The following PCDH9 variants were observed in gnomAD, a reference collection of about 807,000 sequenced individuals.
PCDH9 encodes protocadherin 9.
In PCDH9, 24 loss-of-function variants were observed where a neutral mutation model predicts 70.6. That is an observed-to-expected ratio of 0.34 (90% CI 0.25 to 0.48). PCDH9 has a LOEUF of 0.48. Among genes scored for constraint, PCDH9 ranks in the 20% least tolerant of loss-of-function variants. The pLI is 0.99. For missense variants in PCDH9, 1,281 were observed against 1,503.6 expected, an observed-to-expected ratio of 0.85 and a Z score of 2.45; for synonymous variants, 562 against 558.5, an observed-to-expected ratio of 1.01 and a Z score of -0.09.
At chr13:66,622,428 G>A (rs995168962) in intron 4 of PCDH9, among the ~76,000 whole-genome samples, 3 of 152,172 alleles carry the variant, frequency 2.0e-5, no homozygotes, top group African/African-American at 4.8e-5. Context: ...TGGTGGGGAC[G>A]TGGAGAACCT....
intron 4 of PCDH9, among the ~76,000 whole-genome samples, chr13:66,574,930 C>A (rs545881865): frequency 6.6e-6 from 1 of 152,000 alleles, no homozygotes; most frequent in East Asian, 1.9e-4. Flanking sequence ...CCCAGCCCTT[C>A]GGGAGGCTGA....
chr13:67,222,319 A>G (rs1409613835), intron 2 of PCDH9: 3 of 151,540 alleles, frequency 2.0e-5, no homozygotes, highest in Non-Finnish European at 4.4e-5. Flanking sequence ...TAACCTATAA[A>G]GGCTAATCGC....
At chr13:66,875,322 A>T (rs1301458372) in intron 3 of PCDH9, among the ~76,000 whole-genome samples, 1 of 152,228 alleles carries the variant, frequency 6.6e-6, no homozygotes, top group African/African-American at 2.4e-5. Context: ...AATTAATTTC[A>T]TATTAGATAT....
At chr13:66,571,814 T>G (rs1203340251) in intron 4 of PCDH9, among the ~76,000 whole-genome samples, 1 of 152,108 alleles carries the variant, frequency 6.6e-6, no homozygotes, top group Non-Finnish European at 1.5e-5. Flanking sequence ...TTTTCTAGTC[T>G]CAGTCCAACA....
intron 2 of PCDH9, among the ~76,000 whole-genome samples, chr13:67,145,645 T>C (rs2138371012): frequency 6.6e-6 from 1 of 152,152 alleles, no homozygotes; most frequent in African/African-American, 2.4e-5. Flanking sequence ...TTCATATGTA[T>C]GGCTTCAAAT....
intron 4 of PCDH9, among the ~76,000 whole-genome samples, chr13:66,341,639 G>C (rs1956127108): frequency 6.6e-6 from 1 of 152,132 alleles, no homozygotes; most frequent in Non-Finnish European, 1.5e-5. Context: ...TGGTTTTTCT[G>C]CTGTGCAAGT....
At chr13:66,932,659 C>CATATATATATATATATATATATATAT (rs199791250) in intron 2 of PCDH9, among the ~76,000 whole-genome samples, 19 of 130,352 alleles carry the variant, frequency 1.5e-4, no homozygotes, top group South Asian at 7.3e-4. Context: ...TAAATCCTCA[C>CATATATATATATATATATATATATAT]ATATATATAT....
At chr13:66,829,389 T>C (rs903345625) in intron 3 of PCDH9, among the ~76,000 whole-genome samples, 3 of 151,896 alleles carry the variant, frequency 2.0e-5, no homozygotes, top group African/African-American at 4.8e-5. Context: ...AAATATATAG[T>C]TGGAAAAGGC....
chr13:67,005,360 G>A (rs1285171873), intron 2 of PCDH9, among the ~76,000 whole-genome samples: 1 of 151,956 alleles, frequency 6.6e-6, no homozygotes, highest in Non-Finnish European at 1.5e-5. Context: ...TGAAGATTTA[G>A]GTAAGTTTGC....
chr13:66,873,889 C>G (rs1594187726), intron 3 of PCDH9, among the ~76,000 whole-genome samples: 2 of 150,060 alleles, frequency 1.3e-5, no homozygotes, highest in African/African-American at 4.9e-5. Flanking sequence ...TCAATCACAT[C>G]ATTACATTTC....
At chr13:66,692,764 AT>A (rs1192004959) in intron 3 of PCDH9, among the ~76,000 whole-genome samples, 6 of 152,068 alleles carry the variant, frequency 3.9e-5, no homozygotes, top group African/African-American at 1.2e-4. Context: ...TGGTACTATT[AT>A]TTAGAGACGA....
At chr13:66,567,269 G>T (rs573040843) in intron 4 of PCDH9, among the ~76,000 whole-genome samples, 1 of 152,068 alleles carries the variant, frequency 6.6e-6, no homozygotes, top group Non-Finnish European at 1.5e-5. Context: ...GTTCTAATTA[G>T]GGAGGAAAAG....
intron 4 of PCDH9, among the ~76,000 whole-genome samples, chr13:66,461,092 T>C (rs370354357): frequency 4.6e-5 from 7 of 151,900 alleles, no homozygotes; most frequent in African/African-American, 1.7e-4. Flanking sequence ...AAGTATAGCC[T>C]CAAGAGACTG....
intron 3 of PCDH9, among the ~76,000 whole-genome samples, chr13:66,631,704 C>A (rs2077573720): frequency 6.6e-6 from 1 of 152,110 alleles, no homozygotes; most frequent in Non-Finnish European, 1.5e-5. Flanking sequence ...AAAACTTATA[C>A]TGTCGACAAA....
At position 66,903,544 on chromosome 13, in the gene PCDH9, G is replaced by A. The variant is rs760998507; in HGVS notation, c.3098C>T (p.Thr1033Met). 7.6e-6 allele frequency: 12 copies of A among 1,582,570 alleles called. No individual in the cohort carries two copies. The highest frequency in any genetic ancestry group is 9.5e-6 in the Non-Finnish European group (11 of 1,152,870). The change falls in exon 3 of 5, where the codon ACG (threonine) becomes ATG (methionine). Residue 1033 changes from threonine to methionine, a missense_variant. Physicochemically the swap from Thr to Met is moderately conservative, Grantham distance 81. This residue lies in a region of PCDH9 where 264 missense variants were observed against 278.8 expected (regional missense o/e 0.95). Transcript: ENST00000377865. ...PVTPQKCPSSTGFHIQENEES... is the reference protein window; with the variant it reads ...PVTPQKCPSSMGFHIQENEES... The stretch of plus-strand genomic sequence containing the variant: ...TTCATTCTCCTGAATGTGGAAACCC[G>A]TGGAGCTGGGACATTTCTGAGGAGT...
chr13:66,598,331 C>T (rs1187489331), intron 4 of PCDH9, among the ~76,000 whole-genome samples: 1 of 151,432 alleles, frequency 6.6e-6, no homozygotes, highest in African/African-American at 2.4e-5. Flanking sequence ...GTTTTGTTAC[C>T]TTTACATTAA....
chr13:67,171,945 A>C (rs1326006498), intron 2 of PCDH9, among the ~76,000 whole-genome samples: 1 of 152,198 alleles, frequency 6.6e-6, no homozygotes, highest in Non-Finnish European at 1.5e-5. Context: ...CCTGCTCTCA[A>C]AGATGTGAAA....
chr13:66,678,166 T>A (rs970677652), intron 3 of PCDH9, among the ~76,000 whole-genome samples: 1 of 152,148 alleles, frequency 6.6e-6, no homozygotes, highest in East Asian at 1.9e-4. Flanking sequence ...CTTCCACCTA[T>A]TCCTGATGTT....
At chr13:66,390,258 G>C (rs911638951) in intron 4 of PCDH9, among the ~76,000 whole-genome samples, 1 of 152,146 alleles carries the variant, frequency 6.6e-6, no homozygotes, top group Non-Finnish European at 1.5e-5. Flanking sequence ...CCATTAATCT[G>C]AGAGATCAAT....
Sources: allele counts gnomAD v4.1 joint callset (sites outside exome capture counted in the v4.1 genomes callset), GRCh38; gene constraint gnomAD v4.1.1; regional missense constraint gnomAD v4.1.1; transcripts MANE v1.5; gene names NCBI Gene and HGNC (gene_info 2026-07-23, HGNC 2026-07-21).